The following NLGN1 variants were observed in gnomAD, a reference collection of about 807,000 sequenced individuals.
The protein encoded by NLGN1 is neuroligin-1.
In NLGN1, 12 loss-of-function variants were observed where a neutral mutation model predicts 65.5. The ratio of observed to expected loss-of-function variants is 0.18; its 90% CI spans 0.12 to 0.30. The LOEUF (loss-of-function observed/expected upper bound fraction) is 0.30. Among genes scored for constraint, NLGN1 ranks in the 10% least tolerant of loss-of-function variants. The pLI, the probability that NLGN1 is intolerant of heterozygous loss-of-function variation, is 1.00. For missense variants in NLGN1, 750 were observed against 1,007.1 expected (o/e 0.74, Z 3.46); for synonymous variants, 350 against 359.5 (o/e 0.97, Z 0.30).
chr3:173,594,633 C>T (rs1361669439), intron 2 of NLGN1, among the ~76,000 whole-genome samples: 2 of 152,190 alleles, frequency 1.3e-5, no homozygotes, highest in Non-Finnish European at 2.9e-5. Context: ...TAGGTGTTTC[C>T]CCAGTAGGGA....
chr3:174,260,993 G>A (rs889134331), intron 4 of NLGN1, among the ~76,000 whole-genome samples: 30 of 151,312 alleles, frequency 2.0e-4, no homozygotes, highest in African/African-American at 5.1e-4. Flanking sequence ...TCAGATAGTT[G>A]TAGATATGCG....
exon 7 of NLGN1, chr3:174,282,971 A>G (rs548167057): frequency 1.3e-5 from 2 of 152,144 alleles, no homozygotes; most frequent in East Asian, 3.9e-4. Flanking sequence ...ATACTACTTG[A>G]TGGAACCAAC....
At chr3:173,645,980 C>G (rs1758199216) in intron 3 of NLGN1, among the ~76,000 whole-genome samples, 1 of 152,142 alleles carries the variant, frequency 6.6e-6, no homozygotes, top group Non-Finnish European at 1.5e-5. Flanking sequence ...CTGCCCTCCC[C>G]CTTTTCCTTG....
chr3:173,664,189 A>G (rs1436687921), intron 3 of NLGN1, among the ~76,000 whole-genome samples: 3 of 152,100 alleles, frequency 2.0e-5, no homozygotes, highest in African/African-American at 7.2e-5. Flanking sequence ...AATAATAAAA[A>G]TCATACTTTT....
intron 2 of NLGN1, among the ~76,000 whole-genome samples, chr3:173,526,761 C>A (rs1735711515): frequency 6.6e-6 from 1 of 152,178 alleles, no homozygotes; most frequent in Admixed American, 6.5e-5. Flanking sequence ...CCCTTTCCAG[C>A]CTCTGCTAAC....
chr3:174,092,506 A>T (rs1357384576), intron 4 of NLGN1, among the ~76,000 whole-genome samples: 1 of 150,928 alleles, frequency 6.6e-6, no homozygotes, highest in African/African-American at 2.5e-5. Context: ...ACAATTTGCC[A>T]TTTGGCAATT....
chr3:173,864,458 C>T (rs1428065984), intron 4 of NLGN1, among the ~76,000 whole-genome samples: 2 of 152,124 alleles, frequency 1.3e-5, no homozygotes, highest in African/African-American at 2.4e-5. Context: ...AATTATTACA[C>T]GTTGAAGGGG....
intron 3 of NLGN1, among the ~76,000 whole-genome samples, chr3:173,677,419 T>C (rs1763315709): frequency 6.6e-6 from 1 of 152,052 alleles, no homozygotes. Context: ...TCTGCTTCCA[T>C]TGCTTGGTTT....
At chr3:173,871,161 A>T (rs1451484376) in intron 4 of NLGN1, among the ~76,000 whole-genome samples, 2 of 152,164 alleles carry the variant, frequency 1.3e-5, no homozygotes, top group East Asian at 3.9e-4. Context: ...GTGGTGATGC[A>T]GGGAAGATGA....
intron 3 of NLGN1, among the ~76,000 whole-genome samples, chr3:173,763,464 T>G (rs1778300993): frequency 6.6e-6 from 1 of 152,106 alleles, no homozygotes; most frequent in South Asian, 2.1e-4. Flanking sequence ...AATTCATGAT[T>G]TGGGTTTACT....
At chr3:173,488,659 A>T (rs1300822642) in intron 2 of NLGN1, among the ~76,000 whole-genome samples, 6 of 152,032 alleles carry the variant, frequency 3.9e-5, no homozygotes, top group Non-Finnish European at 1.5e-5. Flanking sequence ...TGTTCTTGGT[A>T]TTCAAAAGTA....
chr3:173,541,581 T>C (rs921900577), intron 2 of NLGN1, among the ~76,000 whole-genome samples: 3 of 152,146 alleles, frequency 2.0e-5, no homozygotes, highest in Admixed American at 6.6e-5. Flanking sequence ...GACAGTGATA[T>C]AATTATTTGT....
At chr3:174,184,002 A>G (rs1400677314) in intron 4 of NLGN1, among the ~76,000 whole-genome samples, 1 of 152,188 alleles carries the variant, frequency 6.6e-6, no homozygotes, top group African/African-American at 2.4e-5. Context: ...GGGAGCAATT[A>G]AAAGATAATC....
chr3:173,692,970 C>T (rs998436028), intron 3 of NLGN1, among the ~76,000 whole-genome samples: 10 of 152,074 alleles, frequency 6.6e-5, no homozygotes, highest in African/African-American at 1.4e-4. Context: ...ACCAGTGAGA[C>T]GTTTCAATCA....
At chr3:173,505,332 G>T (rs1453878121) in intron 2 of NLGN1, among the ~76,000 whole-genome samples, 1 of 152,072 alleles carries the variant, frequency 6.6e-6, no homozygotes, top group East Asian at 1.9e-4. Flanking sequence ...GGAGCTCCAT[G>T]CATGGAATCC....
intron 4 of NLGN1, among the ~76,000 whole-genome samples, chr3:174,225,114 C>G (rs1739377272): frequency 6.6e-6 from 1 of 152,120 alleles, no homozygotes; most frequent in Non-Finnish European, 1.5e-5. Context: ...GAAGGGCTAC[C>G]TGTGAAGACT....
At chr3:173,559,983 G>A (rs1427186113) in intron 2 of NLGN1, among the ~76,000 whole-genome samples, 2 of 131,172 alleles carry the variant, frequency 1.5e-5, no homozygotes, top group African/African-American at 3.0e-5. Context: ...TCGCTCTGTC[G>A]CCCAGGCTGG....
intron 2 of NLGN1, among the ~76,000 whole-genome samples, chr3:173,513,913 A>G (rs1733401017): frequency 6.6e-6 from 1 of 152,132 alleles, no homozygotes; most frequent in South Asian, 2.1e-4. Flanking sequence ...CTGTAATCCC[A>G]GCTACTCGGG....
chr3:173,744,554 G>A (rs1233660179), intron 3 of NLGN1, among the ~76,000 whole-genome samples: 1 of 152,130 alleles, frequency 6.6e-6, no homozygotes, highest in Non-Finnish European at 1.5e-5. Context: ...AAAGACTTCT[G>A]TGAAAAGGTA....
Sources: gnomAD v4.1 joint callset for allele counts (sites outside exome capture counted in the v4.1 genomes callset) on GRCh38, gnomAD v4.1.1 for gene constraint, MANE v1.5 for transcripts, NCBI Gene and HGNC (gene_info 2026-07-23, HGNC 2026-07-21) for gene names.